The following PCED1B variants were observed in gnomAD, a reference collection of about 807,000 sequenced individuals.
PCED1B encodes the protein PC-esterase domain containing 1B.
For synonymous variants in PCED1B, 251 were observed against 246.1 expected, an observed-to-expected ratio of 1.02 and a Z score of -0.19; for missense variants, 573 against 573.9, an observed-to-expected ratio of 1.00 and a Z score of 0.02.
intron 3 of PCED1B, among the ~76,000 whole-genome samples, chr12:47,217,738 A>C (rs1943344716): frequency 1.3e-5 from 2 of 151,898 alleles, no homozygotes; most frequent in South Asian, 4.2e-4. Context: ...CACCACTCCC[A>C]GCTAATTTTT....
chr12:47,200,397 T>C (rs765494541), intron 2 of PCED1B, among the ~76,000 whole-genome samples: 1 of 152,150 alleles, frequency 6.6e-6, no homozygotes, highest in Non-Finnish European at 1.5e-5. Context: ...TGAGATACTA[T>C]TACACCCCTA....
Position 47,105,417 on chromosome 12 carries a change from C to T in PCED1B, c.-526+1222C>T, listed in dbSNP as rs539750819. Among the ~76,000 whole-genome samples, 4 of 152,186 alleles carry T rather than the reference C, an allele frequency of 2.6e-5. No individual in the cohort carries two copies. In the South Asian group the frequency reaches 6.2e-4, roughly 24 times the overall value. On this transcript the variant is annotated intron_variant, in intron 2 of 3. Coordinates refer to ENST00000546455, the MANE Select transcript of PCED1B (RefSeq NM_138371.3). Reference sequence around the variant, plus strand: ...TCTGAGGGTTCATGAAGATATTGGACTTTATTCTGCATAAATACAGATGGT... The same window carrying T: ...TCTGAGGGTTCATGAAGATATTGGATTTTATTCTGCATAAATACAGATGGT...
rs1942060588 is a variant in PCED1B, at chr12:47,180,532, G to A, written c.-525-35690G>A. The stretch of plus-strand genomic sequence containing the variant: ...ACTATAAAAACCATTTGGGACATAG[G>A]CATGGGCAAAGATTTCATGACAAAA... On this transcript the variant is annotated intron_variant, in intron 2 of 3. Coordinates refer to ENST00000546455, the MANE Select transcript of PCED1B (RefSeq NM_138371.3). Among the ~76,000 whole-genome samples, 2 of 152,102 alleles carry A rather than the reference G, an allele frequency of 1.3e-5. 1 individual carries two copies. The highest frequency in any genetic ancestry group is 4.1e-4 in the South Asian group (2 of 4,830).
chr12:47,096,529 T>G (rs186367236), intron 1 of PCED1B, among the ~76,000 whole-genome samples: 2 of 152,192 alleles, frequency 1.3e-5, no homozygotes, highest in African/African-American at 4.8e-5. Flanking sequence ...TCCTGTCCTC[T>G]TAAGCACATT....
intron 2 of PCED1B, among the ~76,000 whole-genome samples, chr12:47,110,577 A>G (rs1939149456): frequency 1.3e-5 from 2 of 152,216 alleles, no homozygotes; most frequent in South Asian, 2.1e-4. Flanking sequence ...CCCTTAATAC[A>G]CAAAGATACT....
intron 2 of PCED1B, among the ~76,000 whole-genome samples, chr12:47,179,402 ATCAT>A (rs1352724317): frequency 2.0e-5 from 3 of 152,190 alleles, no homozygotes; most frequent in Non-Finnish European, 4.4e-5. Context: ...CACCAATATA[ATCAT>A]TCATCCTCTC....
chr12:47,112,453 A>G (rs1200659515), intron 2 of PCED1B, among the ~76,000 whole-genome samples: 1 of 152,212 alleles, frequency 6.6e-6, no homozygotes, highest in East Asian at 1.9e-4. Context: ...CTGGAGGAAA[A>G]TATATCTCTC....
intron 1 of PCED1B, among the ~76,000 whole-genome samples, chr12:47,101,509 T>C (rs1938705228): frequency 6.6e-6 from 1 of 152,246 alleles, no homozygotes; most frequent in African/African-American, 2.4e-5. Flanking sequence ...GTCTCCCCAA[T>C]TTTTATGCAC....
At chr12:47,131,277 C>G (rs1225737968) in intron 2 of PCED1B, among the ~76,000 whole-genome samples, 1 of 152,176 alleles carries the variant, frequency 6.6e-6, no homozygotes, top group African/African-American at 2.4e-5. Flanking sequence ...AGATACTTCA[C>G]CCGCCCACTC....
At chr12:47,227,457 G>T (rs576343623) in intron 3 of PCED1B, among the ~76,000 whole-genome samples, 112 of 152,184 alleles carry the variant, frequency 7.4e-4, no homozygotes, top group African/African-American at 2.6e-3. Context: ...ACAGGCGAGA[G>T]CCACCGTGCC....
At chr12:47,165,701 AT>A (rs1941523126) in intron 2 of PCED1B, among the ~76,000 whole-genome samples, 1 of 152,214 alleles carries the variant, frequency 6.6e-6, no homozygotes, top group Non-Finnish European at 1.5e-5. Flanking sequence ...TTGTTCTTCC[AT>A]TTAAAAAAGT....
At chr12:47,229,781 T>C (rs938740910) in intron 3 of PCED1B, among the ~76,000 whole-genome samples, 4 of 152,140 alleles carry the variant, frequency 2.6e-5, no homozygotes, top group Non-Finnish European at 4.4e-5. Flanking sequence ...CTTTTCTTTT[T>C]TTTTTTGAGA....
intron 3 of PCED1B, among the ~76,000 whole-genome samples, chr12:47,225,774 C>G (rs1160909724): frequency 6.6e-6 from 1 of 152,104 alleles, no homozygotes; most frequent in Non-Finnish European, 1.5e-5. Flanking sequence ...GTACTTCCCA[C>G]AATGAATCAA....
chr12:47,178,082 A>G (rs763446857), intron 2 of PCED1B, among the ~76,000 whole-genome samples: 3 of 152,228 alleles, frequency 2.0e-5, no homozygotes, highest in Non-Finnish European at 4.4e-5. Flanking sequence ...AAATGTAATC[A>G]GATCTGCTTA....
intron 3 of PCED1B, among the ~76,000 whole-genome samples, chr12:47,230,116 C>T (rs1277339652): frequency 3.8e-5 from 5 of 131,376 alleles, no homozygotes; most frequent in Non-Finnish European, 6.3e-5. Context: ...GACGGAGTCT[C>T]ACTCTGTCCC....
intron 1 of PCED1B, among the ~76,000 whole-genome samples, chr12:47,090,214 G>A (rs1003086589): frequency 6.6e-6 from 1 of 152,074 alleles, no homozygotes; most frequent in Non-Finnish European, 1.5e-5. Context: ...TCATAAATAT[G>A]GTAGAATGAT....
chr12:47,151,933 G>C (rs1377121970), intron 2 of PCED1B, among the ~76,000 whole-genome samples: 1 of 151,956 alleles, frequency 6.6e-6, no homozygotes, highest in East Asian at 1.9e-4. Context: ...GGCACCCTGT[G>C]GCCCAGTCAA....
intron 1 of PCED1B, among the ~76,000 whole-genome samples, chr12:47,089,168 C>T (rs1271488444): frequency 6.6e-6 from 1 of 151,834 alleles, no homozygotes; most frequent in African/African-American, 2.4e-5. Flanking sequence ...AAAGGCCAGG[C>T]GTGGTGGCTC....
intron 2 of PCED1B, among the ~76,000 whole-genome samples, chr12:47,200,225 A>C (rs577274251): frequency 1.4e-4 from 21 of 152,094 alleles, no homozygotes; most frequent in Non-Finnish European, 2.8e-4. Context: ...CAAAATATGT[A>C]AAGTGTTAAT....
Sources: allele counts gnomAD v4.1 joint callset (sites outside exome capture counted in the v4.1 genomes callset), GRCh38; gene constraint gnomAD v4.1.1; transcripts MANE v1.5; gene names NCBI Gene and HGNC (gene_info 2026-07-23, HGNC 2026-07-21).